The following CNTNAP5 variants were observed in gnomAD, a reference collection of about 807,000 sequenced individuals.
The protein encoded by CNTNAP5 is contactin-associated protein-like 5.
Under a neutral mutation model 150.2 loss-of-function variants are expected in CNTNAP5, and 72 were observed. The ratio of observed to expected loss-of-function variants is 0.48; its 90% CI spans 0.40 to 0.58. CNTNAP5 has a LOEUF of 0.58. CNTNAP5 is among the 20% of genes least tolerant of loss of function. CNTNAP5 has a pLI of 0.00. For synonymous variants in CNTNAP5, 672 were observed against 619.8 expected (o/e 1.08, Z -1.25); for missense variants, 1,636 against 1,626.2 (o/e 1.01, Z -0.10).
At chr2:124,892,457 A>C (rs987828811) in intron 21 of CNTNAP5, among the ~76,000 whole-genome samples, 4 of 152,108 alleles carry the variant, frequency 2.6e-5, no homozygotes, top group Non-Finnish European at 4.4e-5. Flanking sequence ...ACTGGCAGCC[A>C]CCTCATCATG....
chr2:124,795,706 T>C (rs1056033262), intron 18 of CNTNAP5, among the ~76,000 whole-genome samples: 1 of 152,082 alleles, frequency 6.6e-6, no homozygotes, highest in African/African-American at 2.4e-5. Context: ...TTAGTAGAAA[T>C]GGGGTTTTGC....
At chr2:124,243,680 C>T (rs1016915171) in intron 3 of CNTNAP5, among the ~76,000 whole-genome samples, 5 of 152,012 alleles carry the variant, frequency 3.3e-5, no homozygotes, top group Admixed American at 6.6e-5. Context: ...GGGAGGACGG[C>T]GAGAGTCCAA....
At chr2:124,182,823 C>T (rs1423432201) in intron 1 of CNTNAP5, among the ~76,000 whole-genome samples, 1 of 152,178 alleles carries the variant, frequency 6.6e-6, no homozygotes, top group Non-Finnish European at 1.5e-5. Context: ...TACCTTGGCT[C>T]TGCTGTTTCT....
chr2:124,874,329 T>C (rs984729349), intron 21 of CNTNAP5, among the ~76,000 whole-genome samples: 5 of 152,084 alleles, frequency 3.3e-5, no homozygotes, highest in Non-Finnish European at 1.5e-5. Flanking sequence ...GAGATAATGT[T>C]TCTGGAAACT....
At chr2:124,810,776 C>T (rs1308737028) in intron 19 of CNTNAP5, among the ~76,000 whole-genome samples, 1 of 152,060 alleles carries the variant, frequency 6.6e-6, no homozygotes, top group East Asian at 1.9e-4. Context: ...GCTGGGCATG[C>T]TATTGCCCTC....
chr2:124,110,969 G>A (rs553819549), intron 1 of CNTNAP5, among the ~76,000 whole-genome samples: 2 of 152,244 alleles, frequency 1.3e-5, no homozygotes, highest in South Asian at 4.1e-4. Flanking sequence ...AGGCTCCTCT[G>A]ATCTCCCATG....
intron 11 of CNTNAP5, among the ~76,000 whole-genome samples, chr2:124,606,961 A>G (rs1677237992): frequency 1.4e-5 from 2 of 143,820 alleles, no homozygotes; most frequent in South Asian, 4.2e-4. Flanking sequence ...AAGTCATGAA[A>G]CAACACTACT....
chr2:124,512,595 G>A (rs1364151614), intron 8 of CNTNAP5, among the ~76,000 whole-genome samples: 1 of 152,140 alleles, frequency 6.6e-6, no homozygotes, highest in African/African-American at 2.4e-5. Flanking sequence ...TGCCATCTCA[G>A]CGCATCCCAT....
chr2:124,488,855 G>T (rs1296584940), intron 7 of CNTNAP5, among the ~76,000 whole-genome samples: 1 of 152,172 alleles, frequency 6.6e-6, no homozygotes, highest in Non-Finnish European at 1.5e-5. Flanking sequence ...ACACTTAAGA[G>T]ATCTGTTGCA....
intron 14 of CNTNAP5, among the ~76,000 whole-genome samples, chr2:124,758,026 G>T (rs1423049951): frequency 6.6e-6 from 1 of 152,116 alleles, no homozygotes; most frequent in African/African-American, 2.4e-5. Flanking sequence ...GGAATAATAA[G>T]AAGAATGATA....
chr2:124,716,752 T>A (rs1422448120), intron 13 of CNTNAP5, among the ~76,000 whole-genome samples: 2 of 152,036 alleles, frequency 1.3e-5, no homozygotes, highest in Admixed American at 6.6e-5. Flanking sequence ...GAAGAGTAAA[T>A]AGAAATTGAT....
intron 1 of CNTNAP5, among the ~76,000 whole-genome samples, chr2:124,194,409 ATAAATAT>A (rs1558795541): frequency 0.2 from 1,081 of 5,456 alleles, 22 homozygotes; most frequent in African/African-American, 0.24. Flanking sequence ...ATATATATAT[ATAAATAT>A]AAATAGGTGT....
At chr2:124,419,618 A>G (rs547370438) in intron 4 of CNTNAP5, among the ~76,000 whole-genome samples, 1 of 152,304 alleles carries the variant, frequency 6.6e-6, no homozygotes, top group South Asian at 2.1e-4. Flanking sequence ...GCATCTTCCA[A>G]TGGGATAAAC....
intron 13 of CNTNAP5, among the ~76,000 whole-genome samples, chr2:124,664,253 G>T (rs1678650430): frequency 6.7e-6 from 1 of 149,900 alleles, no homozygotes; most frequent in African/African-American, 2.5e-5. Flanking sequence ...AGCCCAAGTG[G>T]TCAAGGCTCC....
At chr2:124,035,905 G>A (rs1366196897) in intron 1 of CNTNAP5, among the ~76,000 whole-genome samples, 1 of 124,816 alleles carries the variant, frequency 8.0e-6, no homozygotes, top group Non-Finnish European at 1.6e-5. Flanking sequence ...TTCCCAGGAT[G>A]AACTCTTTTT....
intron 3 of CNTNAP5, among the ~76,000 whole-genome samples, chr2:124,268,963 G>A (rs1687678431): frequency 6.6e-6 from 1 of 152,064 alleles, no homozygotes; most frequent in Admixed American, 6.6e-5. Flanking sequence ...AGCCTGCCAG[G>A]ACCCCTAAGT....
intron 1 of CNTNAP5, among the ~76,000 whole-genome samples, chr2:124,126,137 GA>G (rs1249108868): frequency 3.3e-5 from 5 of 152,028 alleles, no homozygotes; most frequent in East Asian, 1.9e-4. Context: ...CTGGTTTTTT[GA>G]AAAGATCAAC....
rs1558743711 is a variant in CNTNAP5 at position 124,707,135 on chromosome 2, GA to G, written c.2078-40092del. 3.5e-3 allele frequency among the ~76,000 whole-genome samples: 320 copies of G among 91,700 alleles called. 9 individuals are homozygous for G. The highest frequency in any genetic ancestry group is 7.2e-3 in the South Asian group (20 of 2,766). 60.2% of individuals were successfully genotyped at this position (91,700 alleles called of 152,430 possible). A position where few individuals can be genotyped will look rare whatever the true frequency, so the allele number is the denominator to read the frequency against. Reference sequence around the variant, plus strand: ...GAGGAAGAAGAAGAAAGAAGAAGAAGAAGAGGAAGAAGAAGAAGAAGAAGAA... The same window carrying G: ...GAGGAAGAAGAAGAAAGAAGAAGAAGAGAGGAAGAAGAAGAAGAAGAAGAA... On this transcript the variant is annotated intron_variant, in intron 13 of 23. Coordinates refer to ENST00000682447, the MANE Select transcript of CNTNAP5 (RefSeq NM_001367498.1).
At chr2:124,571,534 T>TTTTCTCTTTGTTTTCTTTTTTC in intron 11 of CNTNAP5, among the ~76,000 whole-genome samples, 2 of 96,916 alleles carry the variant, frequency 2.1e-5, no homozygotes, top group African/African-American at 8.0e-5. Flanking sequence ...TTTCTTTTTT[T>TTTTCTCTTTGTTTTCTTTTTTC]TTTTTTTTTT....
Sources: allele counts gnomAD v4.1 joint callset (sites outside exome capture counted in the v4.1 genomes callset), GRCh38; gene constraint gnomAD v4.1.1; transcripts MANE v1.5; gene names NCBI Gene and HGNC (gene_info 2026-07-23, HGNC 2026-07-21).